The following ROS1 variants were observed in gnomAD, a reference collection of about 807,000 sequenced individuals.
ROS1 encodes the protein proto-oncogene tyrosine-protein kinase ROS.
Under a neutral mutation model 273.5 loss-of-function variants are expected in ROS1, and 263 were observed. The ratio of observed to expected loss-of-function variants is 0.96; its 90% CI spans 0.87 to 1.06. ROS1 has a LOEUF of 1.06. ROS1 is among the 50% of genes least tolerant of loss of function. The pLI is 0.00. For missense variants in ROS1, 2,833 were observed against 2,751.1 expected, an observed-to-expected ratio of 1.03 and a Z score of -0.67; for synonymous variants, 1,008 against 954.1, an observed-to-expected ratio of 1.06 and a Z score of -1.04.
At chr6:117,402,596 T>C (rs1774032001) in intron 7 of ROS1, among the ~76,000 whole-genome samples, 1 of 152,206 alleles carries the variant, frequency 6.6e-6, no homozygotes, top group Non-Finnish European at 1.5e-5. Flanking sequence ...TCCAACAACA[T>C]GTGAGCTCCA....
Position 117,383,161 on chromosome 6 carries a change from T to G in ROS1, c.2481+156A>C, listed in dbSNP as rs1386273013. Among the ~76,000 whole-genome samples, 3 of 152,168 alleles carry G rather than the reference T, an allele frequency of 2.0e-5. No individual in the cohort carries two copies. The South Asian group carries it at 6.2e-4, about 32-fold the overall frequency. Reference sequence around the variant, plus strand: ...TGACCATCAAATAAGGCGCTTTTTTTTCAAATAACAGAAAACTTGGTTAAA... The same window carrying G: ...TGACCATCAAATAAGGCGCTTTTTTGTCAAATAACAGAAAACTTGGTTAAA... On this transcript the variant is annotated intron_variant, in intron 17 of 43. Coordinates refer to ENST00000368507, the MANE Select transcript of ROS1 (RefSeq NM_001378902.1).
intron 43 of ROS1, among the ~76,000 whole-genome samples, chr6:117,300,246 C>T (rs902342069): frequency 2.6e-5 from 4 of 151,522 alleles, no homozygotes; most frequent in Non-Finnish European, 2.9e-5. Flanking sequence ...CCACCGCACC[C>T]GGCACAGAAT....
At chr6:117,392,069 A>G (rs1346523087) in intron 12 of ROS1, among the ~76,000 whole-genome samples, 2 of 152,232 alleles carry the variant, frequency 1.3e-5, no homozygotes, top group Non-Finnish European at 2.9e-5. Flanking sequence ...AAAGTTCATT[A>G]TCCTCAGAAT....
chr6:117,364,926 G>C (rs1780081731), intron 21 of ROS1, 134 bp downstream of exon 21: 1 of 759,124 alleles, frequency 1.3e-6, no homozygotes, highest in Admixed American at 3.0e-5. Flanking sequence ...TCTCCAAAAA[G>C]TCATTGAAAG....
intron 35 of ROS1, among the ~76,000 whole-genome samples, chr6:117,321,780 C>T (rs956828640): frequency 6.7e-6 from 1 of 150,198 alleles, no homozygotes; most frequent in Non-Finnish European, 1.5e-5. Flanking sequence ...TCAGTCACAT[C>T]CAGGTTATAT....
chr6:117,333,896 T>A (rs191115966), intron 32 of ROS1, among the ~76,000 whole-genome samples: 1 of 152,294 alleles, frequency 6.6e-6, no homozygotes, highest in East Asian at 1.9e-4. Flanking sequence ...TCATATTGAA[T>A]GAGCAAAACC....
intron 4 of ROS1, among the ~76,000 whole-genome samples, chr6:117,411,515 T>C (rs972752373): frequency 1.3e-5 from 2 of 152,100 alleles, no homozygotes; most frequent in South Asian, 4.1e-4. Context: ...AAGTATACTC[T>C]TCCAGGGGCT....
chr6:117,395,744 G>A (rs1773437706), intron 9 of ROS1, among the ~76,000 whole-genome samples: 1 of 151,952 alleles, frequency 6.6e-6, no homozygotes. Flanking sequence ...TACTTATATA[G>A]TAAAATGTAA....
chr6:117,396,882 G>C lies in ROS1; in HGVS notation c.806+33C>G, dbSNP rs542903648. ...AATTATCATGCCTGCAGCCATGCTG[G>C]TTACATTTTCCTCTGTATCACTTAA... On this transcript the variant is annotated intron_variant, in intron 8 of 43. Transcript: ENST00000368507. 1.0e-5 allele frequency: 15 copies of C among 1,443,476 alleles called. No homozygotes were observed. In the East Asian group the frequency reaches 3.2e-4, roughly 31 times the overall value. 89.4% of individuals were successfully genotyped at this position (1,443,476 alleles called of 1,614,324 possible).
In ROS1 at chr6:117,301,059, C is replaced by G. The variant is rs373160577; in HGVS notation, c.6630G>C (p.Gln2210His). Residue 2210 changes from glutamine (Q) to histidine (H), a missense_variant, in exon 43 of 44, where the codon CAG (glutamine) becomes CAC (histidine). Physicochemically the swap from Gln to His is conservative, Grantham distance 24. Transcript: ENST00000368507. ...PTFHRIQDQL[Q>H]LFRNFFLNSI... ...TATTTAAGAAAAAATTTCTGAATAA[C>G]TGAAGTTGGTCCTGAATTCTATGAA... is the stretch of plus-strand genomic sequence containing the variant. 2 of 1,607,942 alleles carry G rather than the reference C, an allele frequency of 1.2e-6. No homozygotes were observed. Among genetic ancestry groups the G allele is most frequent in the South Asian group, 2.2e-5 (2 of 89,200 alleles).
chr6:117,412,616 A>G (rs1047516035), intron 4 of ROS1, among the ~76,000 whole-genome samples: 2 of 152,008 alleles, frequency 1.3e-5, no homozygotes, highest in Non-Finnish European at 1.5e-5. Flanking sequence ...AGATAGATAG[A>G]TAGATAGATA....
intron 35 of ROS1, among the ~76,000 whole-genome samples, chr6:117,321,887 C>T (rs1464752904): frequency 7.6e-6 from 1 of 131,922 alleles, no homozygotes; most frequent in African/African-American, 2.9e-5. Flanking sequence ...TGTTCATATA[C>T]ACATACTCGA....
intron 42 of ROS1, among the ~76,000 whole-genome samples, chr6:117,307,390 C>T (rs1775186664): frequency 6.6e-6 from 1 of 152,002 alleles, no homozygotes; most frequent in Admixed American, 6.6e-5. Flanking sequence ...GAAATTCTGG[C>T]AAAAATTTCT....
At chr6:117,379,795 T>C (rs1771966304) in intron 17 of ROS1, among the ~76,000 whole-genome samples, 1 of 152,164 alleles carries the variant, frequency 6.6e-6, no homozygotes, top group Non-Finnish European at 1.5e-5. Flanking sequence ...GTATTTTCTA[T>C]TAATTGCAAC....
At chr6:117,335,968 A>T (rs1013555959) in intron 32 of ROS1, among the ~76,000 whole-genome samples, 12 of 152,104 alleles carry the variant, frequency 7.9e-5, no homozygotes, top group Non-Finnish European at 1.2e-4. Context: ...AAGAAATTTT[A>T]AAAAAAGAAA....
In ROS1 at chr6:117,397,086, A is replaced by T. The variant is rs564942341; in HGVS notation, c.635T>A (p.Ile212Asn). The T allele has an allele frequency of 1.9e-6, 3 of 1,613,670 alleles. No individual in the cohort carries two copies. In the African/African-American group the frequency reaches 4.0e-5, roughly 22 times the overall value. Residue 212 changes from isoleucine (I) to asparagine (N), a missense_variant, in exon 8 of 44, where the codon ATT (isoleucine) becomes AAT (asparagine). By Grantham distance (149) the Ile-to-Asn change is moderately radical. Coordinates refer to ENST00000368507, the MANE Select transcript of ROS1 (RefSeq NM_001378902.1). ...CACAGTGTCGGGACTTGAGCTCTCA[A>T]TATTCCTAATCAAAGGTGCAGTTTC... is the stretch of plus-strand genomic sequence containing the variant. ...VPETAPLIRN[I>N]ESSSPDTVEV...
At chr6:117,318,331 G>A in intron 37 of ROS1, 79 bp from the exon 38 acceptor site, 5 of 1,035,056 alleles carry the variant, frequency 4.8e-6, no homozygotes, top group Non-Finnish European at 7.6e-6. Flanking sequence ...AGATTGTTCT[G>A]TTTGTTCTGT....
chr6:117,407,183 T>A (rs981673716), intron 5 of ROS1, among the ~76,000 whole-genome samples: 15 of 152,100 alleles, frequency 9.9e-5, no homozygotes, highest in Non-Finnish European at 2.1e-4. Flanking sequence ...CCCTTCCAAT[T>A]TCCATCAGCC....
Position 117,366,215 on chromosome 6 carries a change from A to T in ROS1, c.2658T>A (p.Tyr886Ter). The change falls in exon 19 of 44, where the codon TAT becomes TAA. Residue 886 changes from tyrosine (Y) to a stop codon, truncating the protein, a stop_gained. Transcript: ENST00000368507. LOFTEE classifies it high-confidence loss of function. Reference protein sequence around the residue: ...SEISQNALMYYSGRLFWINGF... With the variant: ...SEISQNALMY ...CATTGATCCAGAACAGCCGACCACTATAGTACATCAGTGCATTCTGGGAAA... is the reference window on the plus strand; with the variant it reads ...CATTGATCCAGAACAGCCGACCACTTTAGTACATCAGTGCATTCTGGGAAA... 1 of 1,614,088 alleles carries T rather than the reference A, an allele frequency of 6.2e-7. No individual in the cohort carries two copies. The highest frequency in any genetic ancestry group is 2.2e-5 in the East Asian group (1 of 44,868).
Sources: gnomAD v4.1 joint callset for allele counts (sites outside exome capture counted in the v4.1 genomes callset) on GRCh38, gnomAD v4.1.1 for gene constraint, MANE v1.5 for transcripts, NCBI Gene and HGNC (gene_info 2026-07-23, HGNC 2026-07-21) for gene names.